SOX15: variants seen among roughly 807,000 people sequenced by gnomAD.
SOX15 encodes the protein SRY-box transcription factor 15.
In SOX15, 12 loss-of-function variants were observed where a neutral mutation model predicts 15.9. That is an observed-to-expected ratio of 0.75 (90% CI 0.48 to 1.22). The LOEUF is 1.22. Ranked by LOEUF, SOX15 falls within the 50% of genes most tolerant of loss-of-function variation. The pLI is 0.00. For synonymous variants in SOX15, 149 were observed against 142.8 expected (o/e 1.04, Z -0.31); for missense variants, 309 against 313.9 (o/e 0.98, Z 0.12).
intron 1 of SOX15, among the ~76,000 whole-genome samples, chr17:7,588,812 C>T (rs1274086665): frequency 1.3e-5 from 2 of 152,120 alleles, no homozygotes; most frequent in African/African-American, 4.8e-5. Flanking sequence ...CCTCTCCTTG[C>T]CCTGGGGGCT....
rs1377355347 is a variant in SOX15 at position 7,588,262 on chromosome 17, G to A, written c.*116C>T. On this transcript the variant is annotated 3_prime_UTR_variant, in exon 2 of 2. Transcript: ENST00000250055. The stretch of plus-strand genomic sequence containing the variant: ...CCCTGGCTATCATGGGAGGACTGCA[G>A]GCTGCCTCTGAACTGTAGTCCAACA... The A allele has an allele frequency of 3.0e-6, 3 of 1,001,760 alleles. No homozygotes were observed. The highest frequency in any genetic ancestry group is 4.8e-6 in the Non-Finnish European group (3 of 621,256). 62.1% of individuals were successfully genotyped at this position (1,001,760 alleles called of 1,614,324 possible).
chr17:7,589,770 T>A lies in SOX15; in HGVS notation c.-94A>T. On this transcript the variant is annotated 5_prime_UTR_variant, in exon 1 of 2. Coordinates refer to ENST00000250055, the MANE Select transcript of SOX15 (RefSeq NM_006942.2). ...ATGGAAAGGTCTTCCCAGTCTGGAG[T>A]CGTTGCCGAGGAACTTGGGTCCTTA... 1.7e-6 allele frequency: 2 copies of A among 1,186,934 alleles called. No individual in the cohort carries two copies. The highest frequency in any genetic ancestry group is 2.3e-6 in the Non-Finnish European group (2 of 869,320). 73.5% of individuals were successfully genotyped at this position (1,186,934 alleles called of 1,614,324 possible).
rs2150938262 is a variant in SOX15 at position 7,589,829 on chromosome 17, A to C, written c.-153T>G. On this transcript the variant is annotated 5_prime_UTR_variant, in exon 1 of 2. Coordinates refer to ENST00000250055, the MANE Select transcript of SOX15 (RefSeq NM_006942.2). Reference sequence around the variant, plus strand: ...ATTTTATCCCCAAGCCCAGAGCTTAAACCGGAGCCTTTGCTTCCAACCTGT... The same window carrying C: ...ATTTTATCCCCAAGCCCAGAGCTTACACCGGAGCCTTTGCTTCCAACCTGT... 2.9e-6 allele frequency: 2 copies of C among 692,688 alleles called. No homozygotes were observed. The highest frequency in any genetic ancestry group is 4.7e-6 in the Non-Finnish European group (2 of 426,368). 42.9% of individuals were successfully genotyped at this position (692,688 alleles called of 1,614,324 possible).
chr17:7,589,535 TCTC>T lies in SOX15; in HGVS notation c.139_141del (p.Glu47del), dbSNP rs752881603. 7 of 1,610,022 alleles carry T rather than the reference TCTC, an allele frequency of 4.3e-6. No individual in the cohort carries two copies. In the South Asian group the frequency reaches 7.7e-5, roughly 18 times the overall value. On this transcript the variant is annotated inframe_deletion, in exon 1 of 2. Coordinates refer to ENST00000250055, the MANE Select transcript of SOX15 (RefSeq NM_006942.2). ...AACGCGTTCATCGGCCGCTTCACCT[TCTC>T]CAGGGGCAGCGTCCCGGGGGCCGCG...
rs1277483423 is a variant in SOX15 at position 7,589,376 on chromosome 17, C to T, written c.301G>A (p.Glu101Lys). Residue 101 changes from glutamate to lysine, a missense_variant, in exon 1 of 2, where the codon GAG (glutamate) becomes AAG (lysine). Physicochemically the swap from Glu to Lys is moderately conservative, Grantham distance 56. Coordinates refer to ENST00000250055, the MANE Select transcript of SOX15 (RefSeq NM_006942.2). Reference protein sequence around the residue: ...DEDEKRPFVEEAKRLRARHLR... With the variant: ...DEDEKRPFVEKAKRLRARHLR... ...TGTCGGGCGCGGAGCCGCTTGGCCT[C>T]CTCCACGAAGGGCCGCTTCTCGTCC... 1 of 1,612,400 alleles carries T rather than the reference C, an allele frequency of 6.2e-7. No individual in the cohort carries two copies. Among genetic ancestry groups the T allele is most frequent in the East Asian group, 2.2e-5 (1 of 44,860 alleles).
At chr17:7,589,060 C>A in intron 1 of SOX15, 84 bp downstream of exon 1, 1 of 1,313,166 alleles carries the variant, frequency 7.6e-7, no homozygotes, top group Admixed American at 3.0e-5. Flanking sequence ...GGGTGGGCTC[C>A]CGTCCTCCGG....
At position 7,589,752 on chromosome 17, in the gene SOX15, G is replaced by GA. The variant is rs1379939366; in HGVS notation, c.-77_-76insT. ...GAAGCGTCGATCCTGAAAATGGAAA[G>GA]GTCTTCCCAGTCTGGAGTCGTTGCC... On this transcript the variant is annotated 5_prime_UTR_variant, in exon 1 of 2. Transcript: ENST00000250055. 2.5e-5 allele frequency: 33 copies of GA among 1,318,598 alleles called. No homozygotes were observed. The highest frequency in any genetic ancestry group is 2.1e-5 in the Non-Finnish European group (21 of 984,184). 81.7% of individuals were successfully genotyped at this position (1,318,598 alleles called of 1,614,324 possible). A position where few individuals can be genotyped will look rare whatever the true frequency, so the allele number is the denominator to read the frequency against.
intron 1 of SOX15, 80 bp from the exon 2 acceptor site, chr17:7,588,626 A>G (rs1238419094): frequency 5.6e-6 from 8 of 1,435,980 alleles, no homozygotes; most frequent in African/African-American, 1.4e-5. Context: ...GACAGGGTAG[A>G]GCGTGCCACC....
chr17:7,588,957 C>G, intron 1 of SOX15, 187 bp downstream of exon 1: 1 of 605,618 alleles, frequency 1.7e-6, no homozygotes, highest in Non-Finnish European at 2.9e-6. Flanking sequence ...TGGAAACGCC[C>G]TCTGGGAGAA....
Position 7,589,383 on chromosome 17 carries a change from G to A in SOX15, c.294C>T (p.Phe98=), listed in dbSNP as rs1270224427. 1 of 1,612,640 alleles carries A rather than the reference G, an allele frequency of 6.2e-7. No individual in the cohort carries two copies. The highest frequency in any genetic ancestry group is 8.5e-7 in the Non-Finnish European group (1 of 1,179,450). ...CGCGGAGCCGCTTGGCCTCCTCCAC[G>A]AAGGGCCGCTTCTCGTCCTCGTCCA... The part of the protein sequence containing the change: ...KLLDEDEKRP[F]VEEAKRLRAR... Residue 98 remains phenylalanine (F), a synonymous_variant, in exon 1 of 2, where the codon TTC becomes TTT. Transcript: ENST00000250055.
In SOX15 at chr17:7,589,813, C is replaced by T. The variant is rs779503181; in HGVS notation, c.-137G>A. On this transcript the variant is annotated 5_prime_UTR_variant, in exon 1 of 2. Transcript: ENST00000250055. The stretch of plus-strand genomic sequence containing the variant: ...GGTCCTTAAAAAGTGTATTTTATCC[C>T]CAAGCCCAGAGCTTAAACCGGAGCC... 10 of 760,660 alleles carry T rather than the reference C, an allele frequency of 1.3e-5. No individual in the cohort carries two copies. The highest frequency in any genetic ancestry group is 3.0e-5 in the Admixed American group (1 of 33,414). 47.1% of individuals were successfully genotyped at this position (760,660 alleles called of 1,614,324 possible).
Position 7,589,209 on chromosome 17 carries a change from T to C in SOX15, c.468A>G (p.Gln156=). ...PLWGPGYATT[Q]PSRGFGYRPP... is the part of the protein sequence containing the mutation. Reference sequence around the variant, plus strand: ...GTCTGTACCCAAAGCCTCTGCTCGGTTGGGTGGTCGCGTACCCCGGCCCCC... The same window carrying C: ...GTCTGTACCCAAAGCCTCTGCTCGGCTGGGTGGTCGCGTACCCCGGCCCCC... Residue 156 remains glutamine (Q), a synonymous_variant, in exon 1 of 2, where the codon CAA becomes CAG. Coordinates refer to ENST00000250055, the MANE Select transcript of SOX15 (RefSeq NM_006942.2). The C allele has an allele frequency of 6.5e-7, 1 of 1,539,932 alleles. No individual in the cohort carries two copies. The highest frequency in any genetic ancestry group is 1.2e-5 in the South Asian group (1 of 83,506).
In SOX15 at chr17:7,589,476, C is replaced by T; in HGVS notation, c.201G>A (p.Met67Ile). 5 of 1,613,732 alleles carry T rather than the reference C, an allele frequency of 3.1e-6. No individual in the cohort carries two copies. Among genetic ancestry groups the T allele is most frequent in the Non-Finnish European group, 4.2e-6 (5 of 1,179,868 alleles). Residue 67 changes from methionine to isoleucine, a missense_variant, in exon 1 of 2, where the codon ATG becomes ATA. Met to Ile is a conservative substitution (Grantham distance 10). Transcript: ENST00000250055. Reference protein sequence around the residue: ...MVWSSAQRRQMAQQNPKMHNS... With the variant: ...MVWSSAQRRQIAQQNPKMHNS... ...TGTGCATCTTGGGGTTCTGCTGCGCCATCTGGCGGCGCTGAGCGGAGCTCC... is the reference window on the plus strand; with the variant it reads ...TGTGCATCTTGGGGTTCTGCTGCGCTATCTGGCGGCGCTGAGCGGAGCTCC...
Position 7,589,315 on chromosome 17 carries a change from C to T in SOX15, c.362G>A (p.Arg121Gln). The T allele has an allele frequency of 6.2e-7, 1 of 1,601,256 alleles. No individual in the cohort carries two copies. Among genetic ancestry groups the T allele is most frequent in the Non-Finnish European group, 8.5e-7 (1 of 1,173,778 alleles). The part of the protein sequence containing the change: ...RDYPDYKYRP[R>Q]RKAKSSGAGP... Reference sequence around the variant, plus strand: ...GGCGCCCGAGCTCTTGGCCTTGCGCCGAGGCCGGTACTTGTAGTCGGGGTA... The same window carrying T: ...GGCGCCCGAGCTCTTGGCCTTGCGCTGAGGCCGGTACTTGTAGTCGGGGTA... The change falls in exon 1 of 2, where the codon CGG (arginine) becomes CAG (glutamine). Residue 121 changes from arginine (R) to glutamine (Q), a missense_variant. Arg to Gln is a conservative substitution (Grantham distance 43). Transcript: ENST00000250055.
chr17:7,589,143 C>T lies in SOX15; in HGVS notation c.533+1G>A. 1.3e-6 allele frequency: 2 copies of T among 1,484,554 alleles called. No individual in the cohort carries two copies. The highest frequency in any genetic ancestry group is 1.8e-6 in the Non-Finnish European group (2 of 1,111,714). 92.0% of individuals were successfully genotyped at this position (1,484,554 alleles called of 1,614,324 possible). A position where few individuals can be genotyped will look rare whatever the true frequency, so the allele number is the denominator to read the frequency against. On this transcript the variant is annotated splice_donor_variant, in intron 1 of 1. Coordinates refer to ENST00000250055, the MANE Select transcript of SOX15 (RefSeq NM_006942.2). LOFTEE classifies it high-confidence loss of function. ...CTTCGGCCCGCTTCCCAGGCACTCA[C>T]CCATAGCTGCCAGGCAGGTAGGCTG...
At position 7,589,598 on chromosome 17, in the gene SOX15, A is replaced by C; in HGVS notation, c.79T>G (p.Ser27Ala). The change falls in exon 1 of 2, where the codon TCG becomes GCG. Residue 27 changes from serine to alanine, a missense_variant. Transcript: ENST00000250055. ...GCGCCCTCCCGCTCCTGGGGTCCCG[A>C]AGATGAGGAGGCAGCAGCCGTGGCA... Reference protein sequence around the residue: ...PAATAAASSSSGPQEREGAGS... With the variant: ...PAATAAASSSAGPQEREGAGS... 6.4e-7 allele frequency: 1 copy of C among 1,567,692 alleles called. No individual in the cohort carries two copies. The highest frequency in any genetic ancestry group is 8.6e-7 in the Non-Finnish European group (1 of 1,159,372).
Position 7,589,942 on chromosome 17 carries a change from G to A in SOX15, c.-266C>T, listed in dbSNP as rs1597868332. The A allele has an allele frequency of 2.0e-6, 1 of 498,370 alleles. No homozygotes were observed. Among genetic ancestry groups the A allele is most frequent in the East Asian group, 3.5e-5 (1 of 28,170 alleles). 30.9% of individuals were successfully genotyped at this position (498,370 alleles called of 1,614,324 possible). Reference sequence around the variant, plus strand: ...GTGTTCTGAGGCCTACTGACTGGGGGACCCCCGGTCCCTCTCCCCGACCCG... The same window carrying A: ...GTGTTCTGAGGCCTACTGACTGGGGAACCCCCGGTCCCTCTCCCCGACCCG... On this transcript the variant is annotated 5_prime_UTR_variant, in exon 1 of 2. Transcript: ENST00000250055.
At chr17:7,588,606 GT>G (rs2071623882) in intron 1 of SOX15, 60 bp from the exon 2 acceptor site, 2 of 1,539,712 alleles carry the variant, frequency 1.3e-6, no homozygotes, top group Admixed American at 3.4e-5. Context: ...AGTCTGGCCA[GT>G]TCTGGGCAGA....
In SOX15 at chr17:7,588,310, G is replaced by C. The variant is rs776470897; in HGVS notation, c.*68C>G. ...ACAGGAGAAAGGGTTGACAGCCTGGGGTAGGGGATGCTGCTGGATTAAAAA... is the reference window on the plus strand; with the variant it reads ...ACAGGAGAAAGGGTTGACAGCCTGGCGTAGGGGATGCTGCTGGATTAAAAA... On this transcript the variant is annotated 3_prime_UTR_variant, in exon 2 of 2. Transcript: ENST00000250055. The C allele has an allele frequency of 1.9e-5, 28 of 1,485,476 alleles. No individual in the cohort carries two copies. Among genetic ancestry groups the C allele is most frequent in the Non-Finnish European group, 2.4e-5 (26 of 1,062,846 alleles). The allele number at this position is 1,485,476 out of a possible 1,614,324, so 92.0% of individuals were successfully genotyped here.
Sources: allele counts gnomAD v4.1 joint callset (sites outside exome capture counted in the v4.1 genomes callset), GRCh38; gene constraint gnomAD v4.1.1; transcripts MANE v1.5; gene names NCBI Gene and HGNC (gene_info 2026-07-23, HGNC 2026-07-21).